AFG3L2: variants seen among roughly 807,000 people sequenced by gnomAD.
AFG3L2 encodes mitochondrial inner membrane m-AAA protease component AFG3L2.
In AFG3L2, 54 loss-of-function variants were observed where a neutral mutation model predicts 94.5. The observed-to-expected ratio is 0.57, with a 90% CI of 0.46 to 0.72. The LOEUF is 0.72. AFG3L2 is among the 30% of genes least tolerant of loss of function. The probability of loss-of-function intolerance (pLI) is 0.00; values close to 1 mark genes in which losing one functional copy is unlikely to be tolerated. For missense variants in AFG3L2, 754 were observed against 994.9 expected, an observed-to-expected ratio of 0.76 and a Z score of 3.26; for synonymous variants, 377 against 365.5, an observed-to-expected ratio of 1.03 and a Z score of -0.36.
chr18:12,365,376 A>G (rs1302340080), intron 5 of AFG3L2, among the ~76,000 whole-genome samples: 2 of 152,208 alleles, frequency 1.3e-5, no homozygotes, highest in African/African-American at 4.8e-5. Flanking sequence ...GCAGCTTCTG[A>G]GTGGGAGTCC....
intron 14 of AFG3L2, chr18:12,340,870 G>T: frequency 6.0e-6 from 1 of 165,806 alleles, no homozygotes; most frequent in Non-Finnish European, 1.3e-5. Flanking sequence ...TGGGATTACA[G>T]GCGTGAGCTA....
intron 6 of AFG3L2, 124 bp from the exon 7 acceptor site, chr18:12,360,175 C>T (rs1195204859): frequency 1.1e-6 from 1 of 936,424 alleles, no homozygotes. Context: ...AAAGAATAAA[C>T]AATAATAAAA....
intron 3 of AFG3L2, among the ~76,000 whole-genome samples, chr18:12,370,524 G>C (rs1158569288): frequency 6.9e-6 from 1 of 144,346 alleles, no homozygotes; most frequent in Non-Finnish European, 1.5e-5. Flanking sequence ...AGGCTGGAGT[G>C]CAGTGGCACA....
At chr18:12,337,207 C>T (rs755130327) in intron 16 of AFG3L2, 134 bp downstream of exon 16, 7 of 804,852 alleles carry the variant, frequency 8.7e-6, no homozygotes, top group Non-Finnish European at 1.5e-5. Context: ...AACGAAACAT[C>T]AGAACGAACG....
rs1450115257 is a variant in AFG3L2 at position 12,344,177 on chromosome 18, A to G, written c.1734T>C (p.His578=). ...KKTVAYHEAG[H]AVAGWYLEHA... ...GCTCCAGATACCAGCCGGCAACCGC[A>G]TGGCCTGCTTCGTGGTATGCCACAG... is the stretch of plus-strand genomic sequence containing the variant. Residue 578 remains histidine (H), a synonymous_variant, in exon 14 of 17, where the codon CAT becomes CAC. Coordinates refer to ENST00000269143, the MANE Select transcript of AFG3L2 (RefSeq NM_006796.3). The G allele has an allele frequency of 1.2e-6, 2 of 1,613,980 alleles. No individual in the cohort carries two copies.
intron 15 of AFG3L2, 98 bp from the exon 16 acceptor site, chr18:12,337,633 C>T (rs974632647): frequency 1.8e-6 from 2 of 1,103,004 alleles, no homozygotes; most frequent in Non-Finnish European, 2.7e-6. Flanking sequence ...CACAAAGGTG[C>T]TCTGTGTAGC....
rs186695357 is a variant in AFG3L2, at chr18:12,334,756, C to A, written c.2175+2585G>T. 9.2e-5 allele frequency among the ~76,000 whole-genome samples: 14 copies of A among 152,328 alleles called. No individual in the cohort carries two copies. The East Asian group carries it at 1.5e-3, about 17-fold the overall frequency. On this transcript the variant is annotated intron_variant, in intron 16 of 16. Transcript: ENST00000269143. ...GTCTGGTCTGTGTTCCTGTTCCAAT[C>A]CAGCTGGCATGCTGCCACCACACTC...
intron 9 of AFG3L2, among the ~76,000 whole-genome samples, chr18:12,355,869 T>C (rs1018166200): frequency 3.3e-5 from 5 of 151,988 alleles, no homozygotes; most frequent in Non-Finnish European, 7.4e-5. Flanking sequence ...AGATGGTGTT[T>C]CACCATGTTA....
intron 3 of AFG3L2, among the ~76,000 whole-genome samples, chr18:12,369,437 G>A (rs769849121): frequency 6.6e-6 from 1 of 152,122 alleles, no homozygotes; most frequent in African/African-American, 2.4e-5. Context: ...ATTTAAAAAC[G>A]TGGACTCCTC....
Position 12,340,306 on chromosome 18 carries a change from C to T in AFG3L2, c.1875G>A (p.Met625Ile), listed in dbSNP as rs727502823. ...LYTKEQLLDR[M>I]CMTLGGRVSE... ...AGACTCGACCACCTAAAGTCATACACATCCTATCCAAGAGCTGCTCTTTGG... is the reference window on the plus strand; with the variant it reads ...AGACTCGACCACCTAAAGTCATACATATCCTATCCAAGAGCTGCTCTTTGG... Residue 625 changes from methionine (M) to isoleucine (I), a missense_variant, in exon 15 of 17, where the codon ATG (methionine) becomes ATA (isoleucine). Around this residue, in one of 4 missense-constraint regions of AFG3L2, gnomAD observed 279 missense variants for 378.6 expected, o/e 0.74. Coordinates refer to ENST00000269143, the MANE Select transcript of AFG3L2 (RefSeq NM_006796.3). The T allele has an allele frequency of 3.7e-6, 6 of 1,614,152 alleles. No homozygotes were observed. The highest frequency in any genetic ancestry group is 5.1e-6 in the Non-Finnish European group (6 of 1,179,984).
In AFG3L2 at chr18:12,367,329, C is replaced by G. The variant is rs1178773058; in HGVS notation, c.346G>C (p.Gly116Arg). The G allele has an allele frequency of 1.9e-6, 3 of 1,614,202 alleles. No individual in the cohort carries two copies. In the Admixed American group the frequency reaches 5.0e-5, roughly 27 times the overall value. ...RSSGGGGGGG[G>R]KRGGKKDDSH... is the part of the protein sequence containing the mutation. The stretch of plus-strand genomic sequence containing the variant: ...TCATCTTTCTTGCCACCTCGTTTTC[C>G]ACCGCCACCACCTCCTCCTCCAGAA... The change falls in exon 4 of 17, where the codon GGA (glycine) becomes CGA (arginine). Residue 116 changes from glycine to arginine, a missense_variant. Coordinates refer to ENST00000269143, the MANE Select transcript of AFG3L2 (RefSeq NM_006796.3).
intron 12 of AFG3L2, among the ~76,000 whole-genome samples, chr18:12,350,143 T>G (rs973726337): frequency 6.6e-6 from 1 of 151,778 alleles, no homozygotes; most frequent in Non-Finnish European, 1.5e-5. Context: ...CCCGAACAGC[T>G]GGGATTACAG....
At chr18:12,364,672 A>G (rs1908755768) in intron 5 of AFG3L2, among the ~76,000 whole-genome samples, 1 of 152,010 alleles carries the variant, frequency 6.6e-6, no homozygotes, top group Non-Finnish European at 1.5e-5. Flanking sequence ...GTTATATAGG[A>G]TCCTTTTTTT....
At chr18:12,339,970 A>G (rs570794058) in intron 15 of AFG3L2, among the ~76,000 whole-genome samples, 2 of 152,292 alleles carry the variant, frequency 1.3e-5, no homozygotes, top group Admixed American at 6.5e-5. Context: ...CAGTGAGCCA[A>G]GATAGAGCCA....
intron 14 of AFG3L2, chr18:12,342,973 A>G (rs936265592): frequency 1.3e-5 from 2 of 151,386 alleles, no homozygotes; most frequent in Non-Finnish European, 2.9e-5. Context: ...TTGTATTTCC[A>G]TATCGGTTTT....
intron 10 of AFG3L2, among the ~76,000 whole-genome samples, chr18:12,352,267 C>T (rs1456566269): frequency 6.6e-6 from 1 of 152,206 alleles, no homozygotes; most frequent in African/African-American, 2.4e-5. Context: ...GTGAACGCAA[C>T]AGGGGCTGAC....
intron 13 of AFG3L2, among the ~76,000 whole-genome samples, chr18:12,347,621 G>A (rs1908186505): frequency 6.6e-6 from 1 of 151,562 alleles, no homozygotes; most frequent in Non-Finnish European, 1.5e-5. Context: ...CACGATCTCG[G>A]CTCACCATAA....
At chr18:12,350,744 C>G (rs1299844097) in intron 12 of AFG3L2, among the ~76,000 whole-genome samples, 4 of 152,128 alleles carry the variant, frequency 2.6e-5, no homozygotes, top group African/African-American at 9.7e-5. Context: ...CCAGGAGTTT[C>G]GGGCCAGCCT....
At chr18:12,346,272 T>A (rs779368800) in intron 13 of AFG3L2, among the ~76,000 whole-genome samples, 6 of 152,036 alleles carry the variant, frequency 3.9e-5, no homozygotes, top group Admixed American at 1.3e-4. Context: ...CCTCTGCAAC[T>A]CCCTCTCTCC....
Sources: allele counts gnomAD v4.1 joint callset (sites outside exome capture counted in the v4.1 genomes callset), GRCh38; gene constraint gnomAD v4.1.1; regional missense constraint gnomAD v4.1.1; transcripts MANE v1.5; gene names NCBI Gene and HGNC (gene_info 2026-07-23, HGNC 2026-07-21).